The following HS1BP3 variants were observed in gnomAD, a reference collection of about 807,000 sequenced individuals.
The protein encoded by HS1BP3 is HCLS1-binding protein 3.
A neutral mutation model predicts 33.5 loss-of-function variants in HS1BP3; 32 were observed. The ratio of observed to expected loss-of-function variants is 0.95; its 90% CI spans 0.72 to 1.28. The LOEUF is 1.28. Among genes scored for constraint, HS1BP3 ranks in the 50% most tolerant of loss-of-function variants. The pLI, the probability that HS1BP3 is intolerant of heterozygous loss-of-function variation, is 0.00. For missense variants in HS1BP3, 486 were observed against 502.3 expected, an observed-to-expected ratio of 0.97 and a Z score of 0.31; for synonymous variants, 187 against 209.2, an observed-to-expected ratio of 0.89 and a Z score of 0.92.
chr2:20,578,925 C>T (rs1354561839), intron 5 of HS1BP3, among the ~76,000 whole-genome samples: 1 of 152,226 alleles, frequency 6.6e-6, no homozygotes, highest in Non-Finnish European at 1.5e-5. Flanking sequence ...AAAATAGCCT[C>T]AGTACTACAA....
At chr2:20,576,811 A>G (rs1441746821) in intron 5 of HS1BP3, among the ~76,000 whole-genome samples, 1 of 152,244 alleles carries the variant, frequency 6.6e-6, no homozygotes, top group Non-Finnish European at 1.5e-5. Flanking sequence ...AGCTGAACTT[A>G]TCACCAGAGG....
chr2:20,599,369 C>T (rs926907456), intron 2 of HS1BP3, among the ~76,000 whole-genome samples: 2 of 152,244 alleles, frequency 1.3e-5, no homozygotes, highest in East Asian at 1.9e-4. Flanking sequence ...GCTGTCCCAG[C>T]GAGCTGCCTG....
intron 4 of HS1BP3, among the ~76,000 whole-genome samples, chr2:20,632,496 G>A (rs1200471926): frequency 3.9e-5 from 6 of 152,226 alleles, no homozygotes; most frequent in African/African-American, 1.4e-4. Flanking sequence ...CAGCAGTCAG[G>A]AGACCCCCAG....
chr2:20,575,023 G>A (rs1277519697), intron 5 of HS1BP3, among the ~76,000 whole-genome samples: 2 of 152,204 alleles, frequency 1.3e-5, no homozygotes, highest in Non-Finnish European at 2.9e-5. Context: ...GTTATTACTG[G>A]CGTAAAAAGA....
intron 2 of HS1BP3, among the ~76,000 whole-genome samples, chr2:20,642,675 G>T (rs777105170): frequency 6.6e-6 from 1 of 152,228 alleles, no homozygotes; most frequent in Non-Finnish European, 1.5e-5. Flanking sequence ...TGAGTACTCC[G>T]GAGCTGTAGG....
At chr2:20,610,292 A>C (rs1225952246) in intron 2 of HS1BP3, among the ~76,000 whole-genome samples, 1 of 152,158 alleles carries the variant, frequency 6.6e-6, no homozygotes, top group Admixed American at 6.5e-5. Context: ...TAAACTAATG[A>C]ATAATGCCAC....
intron 4 of HS1BP3, among the ~76,000 whole-genome samples, chr2:20,633,864 C>A (rs1048696930): frequency 6.6e-6 from 1 of 152,260 alleles, no homozygotes; most frequent in Non-Finnish European, 1.5e-5. Context: ...GGCATGCACA[C>A]TGTGCTGCTG....
downstream of HS1BP3, among the ~76,000 whole-genome samples, chr2:20,616,274 G>T (rs913878112): frequency 6.6e-6 from 1 of 152,206 alleles, no homozygotes; most frequent in Non-Finnish European, 1.5e-5. Context: ...TCTTGGGGGG[G>T]ATAGAGGCCA....
chr2:20,582,955 C>T (rs1344283200), intron 5 of HS1BP3, among the ~76,000 whole-genome samples: 1 of 152,160 alleles, frequency 6.6e-6, no homozygotes, highest in African/African-American at 2.4e-5. Flanking sequence ...CCCTCTGCCA[C>T]TTACCAGGCC....
chr2:20,589,373 A>C (rs183072517), downstream of HS1BP3, among the ~76,000 whole-genome samples: 1 of 152,218 alleles, frequency 6.6e-6, no homozygotes, highest in Admixed American at 6.5e-5. Flanking sequence ...CTTGACACTA[A>C]ACCCCTGTGG....
At chr2:20,592,242 T>G (rs1693832713), downstream of HS1BP3, among the ~76,000 whole-genome samples, 1 of 152,142 alleles carries the variant, frequency 6.6e-6, no homozygotes, top group East Asian at 1.9e-4. Flanking sequence ...CTAGAATTGC[T>G]TGAACGCGGG....
intron 4 of HS1BP3, among the ~76,000 whole-genome samples, chr2:20,630,998 T>A (rs896202102): frequency 3.3e-5 from 5 of 152,004 alleles, no homozygotes; most frequent in African/African-American, 1.2e-4. Context: ...TTGTATAGGA[T>A]CTGGACCAGT....
At chr2:20,640,724 G>A (rs1392199365) in intron 3 of HS1BP3, 1 of 606,236 alleles carries the variant, frequency 1.6e-6, no homozygotes, top group Non-Finnish European at 3.0e-6. Context: ...GCCATGGATG[G>A]GGTCACACTA....
intron 5 of HS1BP3, among the ~76,000 whole-genome samples, chr2:20,576,764 G>T (rs1239253837): frequency 2.0e-5 from 3 of 151,632 alleles, no homozygotes; most frequent in Admixed American, 6.6e-5. Flanking sequence ...GTCACACTGA[G>T]TCTACACTAT....
chr2:20,584,020 C>T (rs969456161), intron 5 of HS1BP3, among the ~76,000 whole-genome samples: 3 of 152,226 alleles, frequency 2.0e-5, no homozygotes, highest in African/African-American at 7.2e-5. Context: ...TTTTGACCCT[C>T]CAGCAACAGG....
chr2:20,620,808 C>A (rs1265073132), intron 6 of HS1BP3, among the ~76,000 whole-genome samples: 1 of 152,228 alleles, frequency 6.6e-6, no homozygotes, highest in Non-Finnish European at 1.5e-5. Flanking sequence ...CTGACAGCCA[C>A]AGGGGCTGAG....
At chr2:20,563,709 A>C (rs1440568706) in intron 5 of HS1BP3, among the ~76,000 whole-genome samples, 1 of 152,168 alleles carries the variant, frequency 6.6e-6, no homozygotes, top group Non-Finnish European at 1.5e-5. Context: ...ATTCCTGCAC[A>C]GGGGGCTTCT....
intron 4 of HS1BP3, chr2:20,638,082 C>T (rs1572357106): frequency 2.2e-6 from 1 of 450,908 alleles, no homozygotes; most frequent in Non-Finnish European, 3.9e-6. Flanking sequence ...GCGAGTCCCA[C>T]AGCTGGAAGG....
chr2:20,618,586 G>T lies in HS1BP3; in HGVS notation c.*401C>A. 2.3e-6 allele frequency: 1 copy of T among 432,830 alleles called. No homozygotes were observed. The highest frequency in any genetic ancestry group is 3.2e-6 in the Non-Finnish European group (1 of 314,204). The allele number at this position is 432,830 out of a possible 1,614,324, so 26.8% of individuals were successfully genotyped here. On this transcript the variant is annotated 3_prime_UTR_variant, in exon 7 of 7. Coordinates refer to ENST00000304031, the MANE Select transcript of HS1BP3 (RefSeq NM_022460.4). ...GAGGAGGGATAGAGGCCCAGCCCCA[G>T]TTTGGGTCTGTGCTGGGGCTGGCAG...
Sources: gnomAD v4.1 joint callset for allele counts (sites outside exome capture counted in the v4.1 genomes callset) on GRCh38, gnomAD v4.1.1 for gene constraint, MANE v1.5 for transcripts, NCBI Gene and HGNC (gene_info 2026-07-23, HGNC 2026-07-21) for gene names.